CDK12: variants seen among roughly 807,000 people sequenced by gnomAD.
CDK12 encodes cyclin-dependent kinase 12.
In CDK12, 17 loss-of-function variants were observed where a neutral mutation model predicts 133.8. The ratio of observed to expected loss-of-function variants is 0.13; its 90% CI spans 0.09 to 0.19. The LOEUF is 0.19. Among genes scored for constraint, CDK12 ranks in the 10% least tolerant of loss-of-function variants. The pLI is 1.00. For synonymous variants in CDK12, 694 were observed against 683.6 expected (o/e 1.02, Z -0.24); for missense variants, 1,508 against 1,818.7 (o/e 0.83, Z 3.11).
At chr17:39,518,925 GGGTTTC>G (rs1278313260) in intron 10 of CDK12, among the ~76,000 whole-genome samples, 2 of 152,056 alleles carry the variant, frequency 1.3e-5, no homozygotes, top group Non-Finnish European at 2.9e-5. Context: ...TTTTGAGATG[GGGTTTC>G]GCTCTTGTTG....
At position 39,501,433 on chromosome 17, in the gene CDK12, A is replaced by G; in HGVS notation, c.2603A>G (p.Asn868Ser). 1 of 1,607,528 alleles carries G rather than the reference A, an allele frequency of 6.2e-7. No homozygotes were observed. ...RDIKCSNILL[N>S]NSGQIKLADF... is the part of the protein sequence containing the mutation. ...ATTAAGTGTTCTAACATTTTGCTGA[A>G]TAACAGGTAACATAGTAACCAAATA... The change falls in exon 6 of 14, where the codon AAT (asparagine) becomes AGT (serine). Residue 868 changes from asparagine (N) to serine (S), a missense_variant. Coordinates refer to ENST00000447079, the MANE Select transcript of CDK12 (RefSeq NM_016507.4).
chr17:39,481,629 GCGCGCTCTCTCTCTCTCTCTCTCTCT>G (rs1240732313), intron 2 of CDK12, among the ~76,000 whole-genome samples: 12 of 25,024 alleles, frequency 4.8e-4, no homozygotes, highest in African/African-American at 1.0e-3. Flanking sequence ...TTGCTCGCTC[GCGCGCTCTCTCTCTCTCTCTCTCTCT>G]CTCTCTCTCT....
intron 1 of CDK12, among the ~76,000 whole-genome samples, chr17:39,468,464 A>G (rs1235434972): frequency 3.9e-5 from 6 of 151,904 alleles, no homozygotes; most frequent in Non-Finnish European, 8.8e-5. Context: ...TATGCTTTTA[A>G]TATTTTTATT....
chr17:39,553,077 C>A (rs554387725), intron 2 of CDK12, among the ~76,000 whole-genome samples: 1 of 152,152 alleles, frequency 6.6e-6, no homozygotes, highest in Non-Finnish European at 1.5e-5. Flanking sequence ...AGAGGGATGA[C>A]TTGAAGTGAG....
chr17:39,524,943 G>A, intron 12 of CDK12, 58 bp downstream of exon 12: 2 of 1,464,276 alleles, frequency 1.4e-6, no homozygotes. Flanking sequence ...AGGTTTTGAA[G>A]GTCAAGTGTA....
intron 2 of CDK12, among the ~76,000 whole-genome samples, chr17:39,472,531 G>A (rs1293209147): frequency 6.6e-6 from 1 of 151,892 alleles, no homozygotes; most frequent in Non-Finnish European, 1.5e-5. Flanking sequence ...AAAATTAGCT[G>A]GGCGTGGTGG....
intron 11 of CDK12, among the ~76,000 whole-genome samples, chr17:39,521,282 T>A (rs933596402): frequency 6.6e-6 from 1 of 152,100 alleles, no homozygotes; most frequent in Non-Finnish European, 1.5e-5. Context: ...TTTGTTTGTG[T>A]GTTTTGAGAC....
intron 3 of CDK12, among the ~76,000 whole-genome samples, chr17:39,562,902 C>T (rs200876415): frequency 0.04 from 3,619 of 91,112 alleles, no homozygotes; most frequent in Non-Finnish European, 0.059. Flanking sequence ...TTTTTCTTTT[C>T]TTTTTTTTTT....
At chr17:39,551,371 C>A (rs1273793449) in intron 2 of CDK12, among the ~76,000 whole-genome samples, 1 of 152,138 alleles carries the variant, frequency 6.6e-6, no homozygotes, top group African/African-American at 2.4e-5. Flanking sequence ...TCCCCTACAG[C>A]CCCTGACCCC....
At chr17:39,481,862 A>G (rs903039839) in intron 2 of CDK12, among the ~76,000 whole-genome samples, 2 of 151,440 alleles carry the variant, frequency 1.3e-5, no homozygotes, top group East Asian at 1.9e-4. Flanking sequence ...CTGGGATTAC[A>G]GGCAAGCGCC....
intron 5 of CDK12, among the ~76,000 whole-genome samples, chr17:39,495,895 T>C (rs973736724): frequency 6.6e-6 from 1 of 152,034 alleles, no homozygotes; most frequent in Non-Finnish European, 1.5e-5. Flanking sequence ...TTCGGTATAT[T>C]TGCTTTTAGT....
At position 39,509,875 on chromosome 17, in the gene CDK12, G is replaced by A. The variant is rs113377797; in HGVS notation, c.2666+114G>A. 2,492 of 774,752 alleles carry A rather than the reference G, an allele frequency of 3.2e-3. 40 individuals are homozygous for A. In the African/African-American group the frequency reaches 0.037, roughly 12 times the overall value. The allele number at this position is 774,752 out of a possible 1,614,324, so 48.0% of individuals were successfully genotyped here. On this transcript the variant is annotated intron_variant, in intron 7 of 13. Transcript: ENST00000447079. The stretch of plus-strand genomic sequence containing the variant: ...GGAGTGCGTGGCTTGATCTCAGCTC[G>A]CTGCAGCCTCAACCTCTGTGGGCTC...
intron 1 of CDK12, among the ~76,000 whole-genome samples, chr17:39,540,189 C>T (rs1243478333): frequency 6.6e-6 from 1 of 152,166 alleles, no homozygotes; most frequent in Non-Finnish European, 1.5e-5. Context: ...AAGGCTTGGT[C>T]ACAGCTTGGA....
At chr17:39,515,468 TAGAAAA>T in intron 8 of CDK12, among the ~76,000 whole-genome samples, 1 of 152,310 alleles carries the variant, frequency 6.6e-6, no homozygotes. Flanking sequence ...AATGGCATGA[TAGAAAA>T]AGACTCTTGA....
chr17:39,539,004 C>T (rs1165597031), downstream of CDK12, among the ~76,000 whole-genome samples: 1 of 151,942 alleles, frequency 6.6e-6, no homozygotes, highest in Admixed American at 6.6e-5. Flanking sequence ...AGTGGTAGAC[C>T]ACGTTTTTCT....
At chr17:39,501,525 A>T (rs1419569420) in intron 6 of CDK12, 86 bp downstream of exon 6, 3 of 849,718 alleles carry the variant, frequency 3.5e-6, no homozygotes, top group East Asian at 5.2e-5. Flanking sequence ...TATTATAATT[A>T]GACCTAATAG....
chr17:39,535,367 A>G (rs1409873016), downstream of CDK12, among the ~76,000 whole-genome samples: 1 of 152,208 alleles, frequency 6.6e-6, no homozygotes, highest in African/African-American at 2.4e-5. Flanking sequence ...AAAACTGGTG[A>G]TGATGAGAGT....
Position 39,462,055 on chromosome 17 carries a change from A to G in CDK12, c.-17A>G, listed in dbSNP as rs1301451425. 1.9e-6 allele frequency: 3 copies of G among 1,599,894 alleles called. No homozygotes were observed. The highest frequency in any genetic ancestry group is 2.2e-5 in the East Asian group (1 of 44,600). ...GCTGGGGAACTTTTTTCCCTTCTTC[A>G]GGTCAGGGGAAAGGGAATGCCCAAT... On this transcript the variant is annotated 5_prime_UTR_variant, in exon 1 of 14. Transcript: ENST00000447079.
At chr17:39,526,976 T>C (rs939012347) in intron 13 of CDK12, among the ~76,000 whole-genome samples, 1 of 152,190 alleles carries the variant, frequency 6.6e-6, no homozygotes, top group Non-Finnish European at 1.5e-5. Context: ...GGATAAGTTA[T>C]ACGTTAATCT....
Sources: allele counts gnomAD v4.1 joint callset (sites outside exome capture counted in the v4.1 genomes callset), GRCh38; gene constraint gnomAD v4.1.1; transcripts MANE v1.5; gene names NCBI Gene and HGNC (gene_info 2026-07-23, HGNC 2026-07-21).